The following KIAA0232 variants were observed in gnomAD, a reference collection of about 807,000 sequenced individuals.
KIAA0232 encodes KIAA0232.
KIAA0232 carries 27 observed loss-of-function variants against 122.0 expected under a neutral mutation model. The observed-to-expected ratio is 0.22, with a 90% CI of 0.16 to 0.31. The LOEUF is 0.31. Ranked by LOEUF, KIAA0232 falls within the 10% of genes least tolerant of loss-of-function variation. KIAA0232 has a pLI of 1.00. For missense variants in KIAA0232, 1,551 were observed against 1,634.2 expected (o/e 0.95, Z 0.88); for synonymous variants, 613 against 587.6 (o/e 1.04, Z -0.63).
At chr4:6,807,606 C>T (rs1264303179) in intron 2 of KIAA0232, among the ~76,000 whole-genome samples, 1 of 152,228 alleles carries the variant, frequency 6.6e-6, no homozygotes, top group East Asian at 1.9e-4. Context: ...TAGGGTAAAC[C>T]GGTTTACATA....
intron 4 of KIAA0232, among the ~76,000 whole-genome samples, chr4:6,843,102 G>T (rs1719752997): frequency 6.6e-6 from 1 of 152,060 alleles, no homozygotes; most frequent in South Asian, 2.1e-4. Context: ...TATTTCTCAT[G>T]TCTTTCAGTT....
chr4:6,825,548 C>T (rs1354306121), intron 3 of KIAA0232, among the ~76,000 whole-genome samples: 1 of 152,022 alleles, frequency 6.6e-6, no homozygotes, highest in East Asian at 1.9e-4. Context: ...GAGCAAGACC[C>T]TGTCTCTCTC....
At chr4:6,830,408 T>A (rs1189260761) in intron 3 of KIAA0232, among the ~76,000 whole-genome samples, 2 of 144,564 alleles carry the variant, frequency 1.4e-5, no homozygotes, top group African/African-American at 5.2e-5. Context: ...GTTGTCTTTT[T>A]TTTTTTTTTT....
chr4:6,852,064 A>C (rs1219696368), intron 4 of KIAA0232, among the ~76,000 whole-genome samples: 1 of 152,046 alleles, frequency 6.6e-6, no homozygotes, highest in Non-Finnish European at 1.5e-5. Flanking sequence ...AGCATTCTAA[A>C]GAGTATATAA....
chr4:6,854,188 A>G (rs1720452258), intron 4 of KIAA0232, among the ~76,000 whole-genome samples: 1 of 152,240 alleles, frequency 6.6e-6, no homozygotes, highest in South Asian at 2.1e-4. Flanking sequence ...TAGAAATGAC[A>G]CCAACATTTA....
At position 6,808,611 on chromosome 4, in the gene KIAA0232, C is replaced by T. The variant is rs7687610; in HGVS notation, c.-270+4005C>T. On this transcript the variant is annotated intron_variant, in intron 2 of 9. Coordinates refer to ENST00000307659, the MANE Select transcript of KIAA0232 (RefSeq NM_014743.3). Reference sequence around the variant, plus strand: ...GAGAGTCATGATTGTCTCGATATCACTGACACCAGGCACAGTGCCTTGTAC... The same window carrying T: ...GAGAGTCATGATTGTCTCGATATCATTGACACCAGGCACAGTGCCTTGTAC... 2.1e-3 allele frequency among the ~76,000 whole-genome samples: 326 copies of T among 151,730 alleles called. 1 individual carries two copies. The highest frequency in any genetic ancestry group is 7.2e-3 in the African/African-American group (298 of 41,320).
chr4:6,863,463 C>A lies in KIAA0232; in HGVS notation c.3081C>A (p.Asn1027Lys), dbSNP rs776343786. 1.2e-6 allele frequency: 2 copies of A among 1,614,140 alleles called. No homozygotes were observed. Among genetic ancestry groups the A allele is most frequent in the Non-Finnish European group, 1.7e-6 (2 of 1,180,016 alleles). The change falls in exon 7 of 10, where the codon AAC becomes AAA. Residue 1027 changes from asparagine to lysine, a missense_variant. By Grantham distance (94) the Asn-to-Lys change is moderately conservative. Coordinates refer to ENST00000307659, the MANE Select transcript of KIAA0232 (RefSeq NM_014743.3). Reference protein sequence around the residue: ...FHEDLLGACGNFQVEDPGLEY... With the variant: ...FHEDLLGACGKFQVEDPGLEY... ...AAGACTTACTAGGAGCTTGTGGCAA[C>A]TTTCAAGTCGAAGATCCTGGACTTG...
At chr4:6,837,218 C>A (rs987969159) in intron 3 of KIAA0232, among the ~76,000 whole-genome samples, 3 of 151,954 alleles carry the variant, frequency 2.0e-5, no homozygotes, top group Non-Finnish European at 4.4e-5. Flanking sequence ...GGCGGAGGGG[C>A]TCCTCACTTC....
chr4:6,839,663 G>C (rs546891571), intron 3 of KIAA0232, among the ~76,000 whole-genome samples: 1 of 152,186 alleles, frequency 6.6e-6, no homozygotes, highest in African/African-American at 2.4e-5. Context: ...TGCTGAGGAG[G>C]GGGTAGTCGA....
At chr4:6,860,791 T>C (rs946277554) in intron 6 of KIAA0232, 110 bp from the exon 7 acceptor site, 5 of 911,258 alleles carry the variant, frequency 5.5e-6, no homozygotes, top group Admixed American at 4.7e-5. Flanking sequence ...ATGATGTGAA[T>C]GTTGACACTA....
intron 9 of KIAA0232, among the ~76,000 whole-genome samples, chr4:6,878,747 G>T (rs551958309): frequency 3.6e-4 from 55 of 152,206 alleles, no homozygotes; most frequent in African/African-American, 1.2e-3. Flanking sequence ...GTAGTTTCCC[G>T]TTAACTTGAA....
In KIAA0232 at chr4:6,862,611, T is replaced by C; in HGVS notation, c.2229T>C (p.Asn743=). 1 of 1,613,810 alleles carries C rather than the reference T, an allele frequency of 6.2e-7. No individual in the cohort carries two copies. The highest frequency in any genetic ancestry group is 8.5e-7 in the Non-Finnish European group (1 of 1,179,918). The change falls in exon 7 of 10, where the codon AAT becomes AAC. Residue 743 remains asparagine (N), a synonymous_variant. Coordinates refer to ENST00000307659, the MANE Select transcript of KIAA0232 (RefSeq NM_014743.3). ...ESTQFNAEDI[N]YVVPRVSSNY... is the part of the protein sequence containing the mutation. Reference sequence around the variant, plus strand: ...CACAGTTTAATGCCGAAGATATTAATTATGTAGTTCCTAGAGTCTCGTCAA... The same window carrying C: ...CACAGTTTAATGCCGAAGATATTAACTATGTAGTTCCTAGAGTCTCGTCAA...
At chr4:6,838,174 G>A (rs1719437856) in intron 3 of KIAA0232, among the ~76,000 whole-genome samples, 1 of 145,022 alleles carries the variant, frequency 6.9e-6, no homozygotes, top group African/African-American at 2.6e-5. Flanking sequence ...GTAAGTATGA[G>A]GGTAACAAAG....
In KIAA0232 at chr4:6,855,623, T is replaced by G. The variant is rs1309287917; in HGVS notation, c.370-1541T>G. Among the ~76,000 whole-genome samples, 1 of 152,198 alleles carries G rather than the reference T, an allele frequency of 6.6e-6. No homozygotes were observed. The highest frequency in any genetic ancestry group is 2.4e-5 in the African/African-American group (1 of 41,444). Reference sequence around the variant, plus strand: ...ATATATGTGTGTATATGTAATTAATTTCTAAGACAAAGCATGAAAAAATAC... The same window carrying G: ...ATATATGTGTGTATATGTAATTAATGTCTAAGACAAAGCATGAAAAAATAC... On this transcript the variant is annotated intron_variant, in intron 4 of 9. Coordinates refer to ENST00000307659, the MANE Select transcript of KIAA0232 (RefSeq NM_014743.3). The surrounding 1 kb of genome is among the most constrained non-coding windows in gnomAD (Gnocchi z 4.3).
In KIAA0232 at chr4:6,855,288, A is replaced by G. The variant is rs889585947; in HGVS notation, c.370-1876A>G. On this transcript the variant is annotated intron_variant, in intron 4 of 9. Coordinates refer to ENST00000307659, the MANE Select transcript of KIAA0232 (RefSeq NM_014743.3). The surrounding 1 kb of genome is among the most constrained non-coding windows in gnomAD (Gnocchi z 4.3). ...TTTTTAGTAGAAACGGGGTTTCACC[A>G]TGTTCGCCAGGCTAGTCTTGAACTC... Among the ~76,000 whole-genome samples the G allele has an allele frequency of 5.9e-5, 9 of 151,932 alleles. No individual in the cohort carries two copies. The highest frequency in any genetic ancestry group is 8.8e-5 in the Non-Finnish European group (6 of 67,982).
rs375635320 is a variant in KIAA0232, at chr4:6,795,349, G to A, written c.-353-9174G>A. Among the ~76,000 whole-genome samples the A allele has an allele frequency of 7.9e-5, 12 of 152,292 alleles. No individual in the cohort carries two copies. The East Asian group carries it at 2.1e-3, about 27-fold the overall frequency. On this transcript the variant is annotated intron_variant, in intron 1 of 9. Transcript: ENST00000307659. ...AGCCTCCCAAAGTACTGGGATCACA[G>A]GCGTGAGCCACCGCGCCCGGCCCAC...
intron 4 of KIAA0232, among the ~76,000 whole-genome samples, chr4:6,844,420 A>G (rs1413274815): frequency 2.0e-5 from 3 of 150,984 alleles, no homozygotes; most frequent in African/African-American, 7.3e-5. Context: ...TTAACTTCTT[A>G]ATTTCTTTTT....
intron 3 of KIAA0232, among the ~76,000 whole-genome samples, chr4:6,827,545 C>G (rs1369681447): frequency 6.6e-6 from 1 of 152,222 alleles, no homozygotes; most frequent in African/African-American, 2.4e-5. Context: ...TCTTCGCTCA[C>G]CCCTTAGTCC....
At chr4:6,809,273 T>C (rs1391991998) in intron 2 of KIAA0232, among the ~76,000 whole-genome samples, 1 of 152,206 alleles carries the variant, frequency 6.6e-6, no homozygotes, top group Non-Finnish European at 1.5e-5. Context: ...ATTCTACCCC[T>C]TGAAGTGGTC....
Sources: allele counts gnomAD v4.1 joint callset (sites outside exome capture counted in the v4.1 genomes callset), GRCh38; gene constraint gnomAD v4.1.1; non-coding constraint Gnocchi (gnomAD v3.1); transcripts MANE v1.5; gene names NCBI Gene and HGNC (gene_info 2026-07-23, HGNC 2026-07-21).